DACH1: variants seen among roughly 807,000 people sequenced by gnomAD.
DACH1 encodes dachshund homolog 1.
In DACH1, 12 loss-of-function variants were observed where a neutral mutation model predicts 54.2. That is an observed-to-expected ratio of 0.22 (90% CI 0.14 to 0.36). The LOEUF is 0.36. DACH1 is among the 10% of genes least tolerant of loss of function. The pLI is 1.00. For missense variants in DACH1, 805 were observed against 929.8 expected, an observed-to-expected ratio of 0.87 and a Z score of 1.75; for synonymous variants, 386 against 366.2, an observed-to-expected ratio of 1.05 and a Z score of -0.62.
intron 1 of DACH1, among the ~76,000 whole-genome samples, chr13:71,721,998 G>A (rs1477298943): frequency 1.3e-5 from 2 of 151,934 alleles, no homozygotes; most frequent in African/African-American, 2.4e-5. Flanking sequence ...GCAATTATAA[G>A]TCTATACCAT....
chr13:71,752,938 G>A (rs1349449489), intron 1 of DACH1, among the ~76,000 whole-genome samples: 2 of 152,200 alleles, frequency 1.3e-5, no homozygotes, highest in African/African-American at 4.8e-5. Flanking sequence ...ACAGAAATAA[G>A]CCCAATACAT....
intron 3 of DACH1, among the ~76,000 whole-genome samples, chr13:71,616,588 T>C (rs551620563): frequency 6.6e-5 from 10 of 151,618 alleles, no homozygotes; most frequent in Admixed American, 1.3e-4. Context: ...AAAAGAAAAA[T>C]AGCCAGGTGT....
chr13:71,705,012 T>C (rs141444194), intron 1 of DACH1, among the ~76,000 whole-genome samples: 69 of 152,230 alleles, frequency 4.5e-4, no homozygotes, highest in African/African-American at 1.6e-3. Flanking sequence ...CTGATACATT[T>C]TGATTAAAAG....
At chr13:71,787,678 A>AGC (rs1468788865) in intron 1 of DACH1, among the ~76,000 whole-genome samples, 1 of 152,206 alleles carries the variant, frequency 6.6e-6, no homozygotes, top group African/African-American at 2.4e-5. Context: ...TGTCAAATTT[A>AGC]GCACGCACCC....
chr13:71,835,073 C>A (rs1220581650), intron 1 of DACH1, among the ~76,000 whole-genome samples: 1 of 151,988 alleles, frequency 6.6e-6, no homozygotes, highest in Non-Finnish European at 1.5e-5. Context: ...AACTCCCCAC[C>A]AAAATTCATT....
intron 3 of DACH1, among the ~76,000 whole-genome samples, chr13:71,583,071 A>G (rs1008765713): frequency 1.3e-5 from 2 of 152,210 alleles, no homozygotes; most frequent in Admixed American, 1.3e-4. Context: ...CAAAATATCA[A>G]TCTTCATAGG....
intron 3 of DACH1, among the ~76,000 whole-genome samples, chr13:71,602,851 G>C (rs181929055): frequency 6.6e-6 from 1 of 151,950 alleles, no homozygotes. Flanking sequence ...ATCCCAGGGG[G>C]AGAGAAATCT....
intron 1 of DACH1, among the ~76,000 whole-genome samples, chr13:71,804,388 A>G (rs1887409974): frequency 6.6e-6 from 1 of 152,070 alleles, no homozygotes; most frequent in African/African-American, 2.4e-5. Flanking sequence ...ATTCCTCCCC[A>G]TCATCTTCCT....
intron 1 of DACH1, among the ~76,000 whole-genome samples, chr13:71,800,224 A>G (rs2138121760): frequency 6.6e-6 from 1 of 152,216 alleles, no homozygotes; most frequent in East Asian, 1.9e-4. Flanking sequence ...AATTCTTTCT[A>G]AGAACAACAT....
chr13:71,621,277 A>T (rs2138543079), intron 3 of DACH1, among the ~76,000 whole-genome samples: 1 of 152,146 alleles, frequency 6.6e-6, no homozygotes, highest in African/African-American at 2.4e-5. Context: ...CCCACATATC[A>T]GATATAGGCC....
intron 4 of DACH1, among the ~76,000 whole-genome samples, chr13:71,569,295 CT>C (rs1194964115): frequency 6.6e-6 from 1 of 151,978 alleles, no homozygotes; most frequent in Non-Finnish European, 1.5e-5. Flanking sequence ...TATCGACAAA[CT>C]TTTTTGGTAA....
chr13:71,731,957 T>C (rs575164741), intron 1 of DACH1, among the ~76,000 whole-genome samples: 2 of 152,334 alleles, frequency 1.3e-5, no homozygotes, highest in South Asian at 4.1e-4. Context: ...AGTAGTCAAC[T>C]AAAATCTTCA....
At chr13:71,718,201 CAG>C (rs1207063205) in intron 1 of DACH1, among the ~76,000 whole-genome samples, 2 of 152,070 alleles carry the variant, frequency 1.3e-5, no homozygotes, top group Non-Finnish European at 2.9e-5. Flanking sequence ...AAATAAAAGA[CAG>C]ATTAAATTCA....
intron 3 of DACH1, among the ~76,000 whole-genome samples, chr13:71,612,320 T>C (rs955850507): frequency 2.0e-5 from 3 of 152,112 alleles, no homozygotes; most frequent in South Asian, 2.1e-4. Flanking sequence ...AATGTAATTA[T>C]ATAAACTGAG....
intron 6 of DACH1, among the ~76,000 whole-genome samples, chr13:71,552,395 C>CATAT (rs1883872702): frequency 6.6e-6 from 1 of 151,956 alleles, no homozygotes; most frequent in South Asian, 2.1e-4. Context: ...TTATCTCCAT[C>CATAT]ATATATATAA....
At chr13:71,519,908 T>TATATATATATATATATATATATATA (rs1566312779) in intron 6 of DACH1, among the ~76,000 whole-genome samples, 2 of 135,688 alleles carry the variant, frequency 1.5e-5, no homozygotes, top group Non-Finnish European at 3.2e-5. Flanking sequence ...TATATATATA[T>TATATATATATATATATATATATATA]CCTAACTAAC....
intron 1 of DACH1, among the ~76,000 whole-genome samples, chr13:71,839,829 G>C (rs1888947721): frequency 6.6e-6 from 1 of 152,072 alleles, no homozygotes; most frequent in African/African-American, 2.4e-5. Flanking sequence ...GCAAAAACTA[G>C]AGAGTTAATG....
At chr13:71,681,760 T>A in intron 2 of DACH1, 35 bp downstream of exon 2, 1 of 1,501,476 alleles carries the variant, frequency 6.7e-7, no homozygotes, top group Non-Finnish European at 9.2e-7. Context: ...GGCTGATTTT[T>A]AATATTTTTT....
chr13:71,493,030 T>G (rs1347255080), intron 6 of DACH1, among the ~76,000 whole-genome samples: 2 of 151,484 alleles, frequency 1.3e-5, no homozygotes, highest in Non-Finnish European at 2.9e-5. Flanking sequence ...TTAATGAGTT[T>G]TTTTTTTTTT....
Sources: allele counts gnomAD v4.1 joint callset (sites outside exome capture counted in the v4.1 genomes callset), GRCh38; gene constraint gnomAD v4.1.1; transcripts MANE v1.5; gene names NCBI Gene and HGNC (gene_info 2026-07-23, HGNC 2026-07-21).